The following PRKG1 variants were observed in gnomAD, a reference collection of about 807,000 sequenced individuals.
PRKG1 encodes the protein protein kinase cGMP-dependent 1.
PRKG1 carries 35 observed loss-of-function variants against 88.1 expected under a neutral mutation model. That is an observed-to-expected ratio of 0.40 (90% CI 0.30 to 0.53). The LOEUF is 0.53. Among genes scored for constraint, PRKG1 ranks in the 20% least tolerant of loss-of-function variants. The probability of loss-of-function intolerance (pLI) is 0.59; values close to 1 mark genes in which losing one functional copy is unlikely to be tolerated. For missense variants in PRKG1, 540 were observed against 839.8 expected, an observed-to-expected ratio of 0.64 and a Z score of 4.41; for synonymous variants, 303 against 292.5, an observed-to-expected ratio of 1.04 and a Z score of -0.37.
Position 52,076,294 on chromosome 10 carries a change from C to T in PRKG1, c.935+13663C>T, listed in dbSNP as rs139786121. On this transcript the variant is annotated intron_variant, in intron 7 of 17. Coordinates refer to ENST00000373980, the MANE Select transcript of PRKG1 (RefSeq NM_006258.4). The stretch of plus-strand genomic sequence containing the variant: ...AAAAGGGGCCGGGCCCAGTGGCTCA[C>T]GCCCGTAGTCCCAGCACTTTGGAAG... Among the ~76,000 whole-genome samples, 54 of 152,348 alleles carry T rather than the reference C, an allele frequency of 3.5e-4. 1 individual carries two copies. The highest frequency in any genetic ancestry group is 3.4e-3 in the Middle Eastern group (1 of 294).
rs1033700919 is a variant in PRKG1, at chr10:52,113,719, G to A, written c.936-20121G>A. Among the ~76,000 whole-genome samples, 5 of 152,090 alleles carry A rather than the reference G, an allele frequency of 3.3e-5. No homozygotes were observed. In the East Asian group the frequency reaches 7.7e-4, roughly 23 times the overall value. ...TGATCATTGTAAGTCTCATGCTATAGCTGCACATAATTAAAATCACTAGGT... is the reference window on the plus strand; with the variant it reads ...TGATCATTGTAAGTCTCATGCTATAACTGCACATAATTAAAATCACTAGGT... On this transcript the variant is annotated intron_variant, in intron 7 of 17. Coordinates refer to ENST00000373980, the MANE Select transcript of PRKG1 (RefSeq NM_006258.4).
rs890051432 is a variant in PRKG1 at position 52,289,079 on chromosome 10, T to A, written c.1895+86T>A. 4 of 1,288,972 alleles carry A rather than the reference T, an allele frequency of 3.1e-6. No individual in the cohort carries two copies. The African/African-American group carries it at 6.0e-5, about 19-fold the overall frequency. The allele number at this position is 1,288,972 out of a possible 1,614,324, so 79.8% of individuals were successfully genotyped here. On this transcript the variant is annotated intron_variant, in intron 16 of 17. Coordinates refer to ENST00000373980, the MANE Select transcript of PRKG1 (RefSeq NM_006258.4). ...TTAAGTTATTGGTGTAAAACTAGTA[T>A]AATTAGCCTATAGGAACATCCAAAG...
At chr10:51,749,630 C>T (rs976440080) in intron 3 of PRKG1, among the ~76,000 whole-genome samples, 3 of 152,188 alleles carry the variant, frequency 2.0e-5, no homozygotes, top group African/African-American at 7.2e-5. Flanking sequence ...AAATTGTCCT[C>T]AGCAAGTTCT....
intron 3 of PRKG1, among the ~76,000 whole-genome samples, chr10:51,692,756 T>C (rs1841177128): frequency 6.6e-6 from 1 of 152,214 alleles, no homozygotes; most frequent in African/African-American, 2.4e-5. Context: ...CATGAGCCAC[T>C]GCATCTGCAC....
At chr10:51,533,018 G>A (rs145379204) in intron 3 of PRKG1, among the ~76,000 whole-genome samples, 46 of 152,214 alleles carry the variant, frequency 3.0e-4, no homozygotes, top group African/African-American at 1.1e-3. Context: ...AGCCAAAGAT[G>A]GAGAACCTGA....
chr10:51,358,302 A>G (rs1476300931), intron 2 of PRKG1, among the ~76,000 whole-genome samples: 1 of 151,884 alleles, frequency 6.6e-6, no homozygotes, highest in Non-Finnish European at 1.5e-5. Context: ...AATGCCTTTT[A>G]TGACCTAGCC....
intron 5 of PRKG1, chr10:51,908,258 A>C (rs927049963): frequency 1.3e-5 from 2 of 152,252 alleles, no homozygotes; most frequent in Admixed American, 1.3e-4. Context: ...CTGAGGAAAT[A>C]GAGATACATT....
chr10:51,689,893 G>A (rs55888421), intron 3 of PRKG1, among the ~76,000 whole-genome samples: 4,391 of 152,236 alleles, frequency 0.029, 176 homozygotes, highest in African/African-American at 0.097. Flanking sequence ...AGGGGCCAAC[G>A]GTAGTGTGCG....
chr10:52,117,806 G>A (rs967642729), intron 7 of PRKG1, among the ~76,000 whole-genome samples: 2 of 151,860 alleles, frequency 1.3e-5, no homozygotes, highest in African/African-American at 4.8e-5. Context: ...TTTTGTGTGT[G>A]TGTGCATATG....
At chr10:51,738,624 G>T (rs747017769) in intron 3 of PRKG1, among the ~76,000 whole-genome samples, 17 of 152,130 alleles carry the variant, frequency 1.1e-4, no homozygotes, top group South Asian at 8.3e-4. Flanking sequence ...CCTCCTATTA[G>T]TCTATATTCT....
chr10:51,222,042 T>A (rs941153302), intron 2 of PRKG1, among the ~76,000 whole-genome samples: 9 of 151,902 alleles, frequency 5.9e-5, no homozygotes, highest in Admixed American at 6.6e-5. Flanking sequence ...GCCTGGCTAA[T>A]TTTTTTGTAT....
chr10:52,040,162 A>C (rs1160282277), intron 5 of PRKG1, among the ~76,000 whole-genome samples: 1 of 152,204 alleles, frequency 6.6e-6, no homozygotes, highest in Non-Finnish European at 1.5e-5. Context: ...TAAAGAAGTA[A>C]AATATTGAGT....
intron 2 of PRKG1, among the ~76,000 whole-genome samples, chr10:51,186,980 A>ATG (rs1837509156): frequency 7.0e-6 from 1 of 143,724 alleles, no homozygotes; most frequent in African/African-American, 2.5e-5. Context: ...ATATATATAT[A>ATG]TATGTATATA....
In PRKG1 at chr10:52,297,372, C is replaced by T. The variant is rs1436246137; in HGVS notation, c.*3472C>T. 1 of 152,048 alleles carries T rather than the reference C, an allele frequency of 6.6e-6. No individual in the cohort carries two copies. The highest frequency in any genetic ancestry group is 1.5e-5 in the Non-Finnish European group (1 of 68,012). The allele number at this position is 152,048 out of a possible 1,614,324, so 9.4% of individuals were successfully genotyped here. ...TGTTGCAAGTGCCTTAAATTCATGG[C>T]ATCCTATTAAAAAAACAAATTTGGT... On this transcript the variant is annotated 3_prime_UTR_variant, in exon 18 of 18. Transcript: ENST00000373980.
At chr10:51,677,777 G>GA in intron 3 of PRKG1, among the ~76,000 whole-genome samples, 1 of 152,250 alleles carries the variant, frequency 6.6e-6, no homozygotes, top group Non-Finnish European at 1.5e-5. Flanking sequence ...GGACAGTTTG[G>GA]AAAAATGACC....
At chr10:51,531,791 C>T (rs1164062175) in intron 3 of PRKG1, among the ~76,000 whole-genome samples, 1 of 151,398 alleles carries the variant, frequency 6.6e-6, no homozygotes, top group African/African-American at 2.4e-5. Context: ...ATTACAGGCT[C>T]CCGACACTGT....
At chr10:52,038,219 G>A (rs892377421) in intron 5 of PRKG1, among the ~76,000 whole-genome samples, 36 of 152,014 alleles carry the variant, frequency 2.4e-4, no homozygotes, top group Admixed American at 5.2e-4. Flanking sequence ...GTAGAAGGAG[G>A]AATGAAGGGT....
At chr10:51,638,161 A>G (rs1188866227) in intron 3 of PRKG1, among the ~76,000 whole-genome samples, 1 of 152,228 alleles carries the variant, frequency 6.6e-6, no homozygotes, top group African/African-American at 2.4e-5. Context: ...TAAAAATTTT[A>G]CAGGAGAAAT....
At chr10:52,109,754 C>T (rs1188675143) in intron 7 of PRKG1, among the ~76,000 whole-genome samples, 3 of 151,886 alleles carry the variant, frequency 2.0e-5, no homozygotes, top group Non-Finnish European at 4.4e-5. Context: ...CAGAGCCAGA[C>T]TCCATCTCAA....
Sources: gnomAD v4.1 joint callset for allele counts (sites outside exome capture counted in the v4.1 genomes callset) on GRCh38, gnomAD v4.1.1 for gene constraint, MANE v1.5 for transcripts, NCBI Gene and HGNC (gene_info 2026-07-23, HGNC 2026-07-21) for gene names.